Variants in HIPK3 observed in about 807,000 individuals in gnomAD.
HIPK3 encodes the protein homeodomain-interacting protein kinase 3.
A neutral mutation model predicts 124.2 loss-of-function variants in HIPK3; 47 were observed. The ratio of observed to expected loss-of-function variants is 0.38; its 90% CI spans 0.30 to 0.48. The LOEUF (loss-of-function observed/expected upper bound fraction) is 0.48. Among genes scored for constraint, HIPK3 ranks in the 20% least tolerant of loss-of-function variants. The pLI, the probability that HIPK3 is intolerant of heterozygous loss-of-function variation, is 0.98. For missense variants in HIPK3, 1,286 were observed against 1,454.3 expected (o/e 0.88, Z 1.88); for synonymous variants, 482 against 515.2 (o/e 0.94, Z 0.87).
rs781647701 is a variant in HIPK3, at chr11:33,356,987, G to A, written c.*3419G>A. The A allele has an allele frequency of 6.6e-6, 1 of 152,022 alleles. No individual in the cohort carries two copies. Among genetic ancestry groups the A allele is most frequent in the Non-Finnish European group, 1.5e-5 (1 of 67,974 alleles). 9.4% of individuals were successfully genotyped at this position (152,022 alleles called of 1,614,324 possible). ...TAAGAATTTATGGTGTATTACTGTC[G>A]ATTCACTTTGAATTAAAATATATAT... is the stretch of plus-strand genomic sequence containing the variant. On this transcript the variant is annotated 3_prime_UTR_variant, in exon 17 of 17. Coordinates refer to ENST00000303296, the MANE Select transcript of HIPK3 (RefSeq NM_005734.5).
rs1853729348 is a variant in HIPK3, at chr11:33,353,388, T to C, written c.3468T>C (p.His1156=). ...AGCATCCAACTTATAATATCTCCCA[T>C]CCCAGTGGCATAGTTCACCAAGTCC... ...MLQHPTYNIS[H]PSGIVHQVPV... is the part of the protein sequence containing the mutation. Residue 1156 remains histidine, a synonymous_variant, in exon 17 of 17, where the codon CAT becomes CAC. Transcript: ENST00000303296. The C allele has an allele frequency of 6.2e-7, 1 of 1,614,006 alleles. No homozygotes were observed. Among genetic ancestry groups the C allele is most frequent in the South Asian group, 1.1e-5 (1 of 91,088 alleles).
Position 33,338,751 on chromosome 11 carries a change from A to G in HIPK3, c.1342-6A>G. 1.3e-6 allele frequency: 2 copies of G among 1,588,724 alleles called. No homozygotes were observed. The highest frequency in any genetic ancestry group is 8.6e-7 in the Non-Finnish European group (1 of 1,157,926). On this transcript the variant is annotated splice_region_variant and splice_polypyrimidine_tract_variant and intron_variant, in intron 4 of 16. Transcript: ENST00000303296. ...ATTCTTTTTTCCCTTTGATATATGC[A>G]ATAAGACATTGGAAGAGCATGAGGC...
intron 2 of HIPK3, among the ~76,000 whole-genome samples, chr11:33,317,975 G>T (rs1590395560): frequency 6.6e-6 from 1 of 152,160 alleles, no homozygotes; most frequent in Non-Finnish European, 1.5e-5. Flanking sequence ...TAACTAAGAG[G>T]TATTTTAGAG....
intron 6 of HIPK3, 68 bp from the exon 7 acceptor site, chr11:33,340,900 C>A: frequency 3.3e-6 from 3 of 919,716 alleles, no homozygotes; most frequent in Non-Finnish European, 3.1e-6. Flanking sequence ...TTTATTTTGT[C>A]AATGTACCTC....
In HIPK3 at chr11:33,286,649, C is replaced by A; in HGVS notation, c.235C>A (p.Gln79Lys). 6.2e-7 allele frequency: 1 copy of A among 1,614,130 alleles called. No homozygotes were observed. Among genetic ancestry groups the A allele is most frequent in the Non-Finnish European group, 8.5e-7 (1 of 1,180,006 alleles). ...ACCTCGAGGACACAACTTTTCATTGCAGACAAGTGCTGTTGTTTTGAAAAA... is the reference window on the plus strand; with the variant it reads ...ACCTCGAGGACACAACTTTTCATTGAAGACAAGTGCTGTTGTTTTGAAAAA... ...NRPRGHNFSL[Q>K]TSAVVLKNTA... Residue 79 changes from glutamine to lysine, a missense_variant, in exon 2 of 17, where the codon CAG becomes AAG. Transcript: ENST00000303296.
intron 8 of HIPK3, among the ~76,000 whole-genome samples, chr11:33,343,248 TG>T (rs1853390620): frequency 1.3e-4 from 2 of 15,334 alleles, no homozygotes; most frequent in Non-Finnish European, 2.7e-4. Context: ...TATTTGATTT[TG>T]TGTGTGTGTG....
At chr11:33,351,133 C>T (rs1853646302) in intron 14 of HIPK3, among the ~76,000 whole-genome samples, 1 of 152,036 alleles carries the variant, frequency 6.6e-6, no homozygotes, top group African/African-American at 2.4e-5. Context: ...TGTGGGGATA[C>T]CTTTCAGATA....
chr11:33,338,730 T>C (rs1480841646), intron 4 of HIPK3, 27 bp from the exon 5 acceptor site: 1 of 1,454,642 alleles, frequency 6.9e-7, no homozygotes, highest in Admixed American at 1.7e-5. Flanking sequence ...TAATGTATTC[T>C]TTTTTCCCTT....
intron 1 of HIPK3, among the ~76,000 whole-genome samples, chr11:33,271,912 TA>T (rs1851134654): frequency 6.6e-6 from 1 of 152,214 alleles, no homozygotes; most frequent in Non-Finnish European, 1.5e-5. Context: ...CTTTTTACAC[TA>T]ACATAAAGAA....
Position 33,311,870 on chromosome 11 carries a change from TACAC to T in HIPK3, c.1098-16631_1098-16628del, listed in dbSNP as rs1213555931. On this transcript the variant is annotated intron_variant, in intron 2 of 16. Coordinates refer to ENST00000303296, the MANE Select transcript of HIPK3 (RefSeq NM_005734.5). The stretch of plus-strand genomic sequence containing the variant: ...CACACACACACACACACACACACAC[TACAC>T]ACACACACTTGGGCAACATAGCAAG... 1.1e-4 allele frequency among the ~76,000 whole-genome samples: 3 copies of T among 26,272 alleles called. No individual in the cohort carries two copies. The East Asian group carries it at 2.3e-3, about 21-fold the overall frequency. The allele number at this position is 26,272 out of a possible 152,430, so 17.2% of individuals were successfully genotyped here.
chr11:33,348,852 A>T, intron 13 of HIPK3, 34 bp downstream of exon 13: 1 of 1,578,858 alleles, frequency 6.3e-7, no homozygotes, highest in Non-Finnish European at 8.7e-7. Context: ...CAAAGGATAT[A>T]GATGGCATCC....
chr11:33,294,337 T>G (rs1851782837), intron 2 of HIPK3, among the ~76,000 whole-genome samples: 2 of 152,252 alleles, frequency 1.3e-5, no homozygotes, highest in East Asian at 1.9e-4. Context: ...TTATCCTTCA[T>G]GCAGATTCCC....
At chr11:33,317,392 C>T (rs1392723238) in intron 2 of HIPK3, among the ~76,000 whole-genome samples, 2 of 149,774 alleles carry the variant, frequency 1.3e-5, no homozygotes, top group Non-Finnish European at 3.0e-5. Flanking sequence ...CCCCAAGTAG[C>T]TGGGACCACA....
chr11:33,260,518 A>T (rs1850793677), intron 1 of HIPK3, among the ~76,000 whole-genome samples: 1 of 152,222 alleles, frequency 6.6e-6, no homozygotes, highest in South Asian at 2.1e-4. Flanking sequence ...TATCCTGGTA[A>T]CTTTTGAAGT....
rs1350517355 is a variant in HIPK3 at position 33,347,960 on chromosome 11, T to C, written c.2253T>C (p.His751=). The C allele has an allele frequency of 6.2e-7, 1 of 1,614,034 alleles. No individual in the cohort carries two copies. Among genetic ancestry groups the C allele is most frequent in the Admixed American group, 1.7e-5 (1 of 60,008 alleles). Residue 751 remains histidine (H), a synonymous_variant, in exon 11 of 17, where the codon CAT becomes CAC. Transcript: ENST00000303296. ...AGCCAGTTAGTGTGGGGATTGCACA[T>C]GTTGTCTGGCCTCAGCCTGCCACTA... is the stretch of plus-strand genomic sequence containing the variant. ...APQPVSVGIA[H]VVWPQPATTK...
intron 1 of HIPK3, among the ~76,000 whole-genome samples, chr11:33,266,037 C>T (rs1246120403): frequency 1.5e-5 from 2 of 130,320 alleles, no homozygotes; most frequent in South Asian, 2.4e-4. Context: ...TGAGCCTGGG[C>T]GACAGAGTGA....
chr11:33,313,548 A>G (rs940468116), intron 2 of HIPK3, among the ~76,000 whole-genome samples: 1 of 152,226 alleles, frequency 6.6e-6, no homozygotes, highest in Non-Finnish European at 1.5e-5. Flanking sequence ...AGGCAAATGG[A>G]GTAAAGTGTT....
intron 8 of HIPK3, among the ~76,000 whole-genome samples, chr11:33,346,449 G>A (rs1304310949): frequency 2.6e-5 from 4 of 152,064 alleles, no homozygotes; most frequent in Non-Finnish European, 5.9e-5. Flanking sequence ...GTGCCATCCC[G>A]GAATTTTCAT....
intron 1 of HIPK3, among the ~76,000 whole-genome samples, chr11:33,275,122 C>T (rs1332811690): frequency 1.3e-5 from 2 of 152,066 alleles, no homozygotes; most frequent in East Asian, 3.9e-4. Flanking sequence ...TCACTGCAGC[C>T]TCCGCCTCTC....
Sources: allele counts gnomAD v4.1 joint callset (sites outside exome capture counted in the v4.1 genomes callset), GRCh38; gene constraint gnomAD v4.1.1; transcripts MANE v1.5; gene names NCBI Gene and HGNC (gene_info 2026-07-23, HGNC 2026-07-21).